The following CPEB2 variants were observed in gnomAD, a reference collection of about 807,000 sequenced individuals.
CPEB2 encodes the protein cytoplasmic polyadenylation element-binding protein 2.
In CPEB2, 56 loss-of-function variants were observed where a neutral mutation model predicts 93.6. That is an observed-to-expected ratio of 0.60 (90% CI 0.48 to 0.75). CPEB2 has a LOEUF of 0.75. Among genes scored for constraint, CPEB2 ranks in the 30% least tolerant of loss-of-function variants. CPEB2 has a pLI of 0.00. For missense variants in CPEB2, 1,579 were observed against 1,395.1 expected, an observed-to-expected ratio of 1.13 and a Z score of -2.10; for synonymous variants, 764 against 586.3, an observed-to-expected ratio of 1.30 and a Z score of -4.38.
chr4:15,041,483 A>T (rs763943470), intron 6 of CPEB2, among the ~76,000 whole-genome samples: 2 of 151,458 alleles, frequency 1.3e-5, no homozygotes, highest in Non-Finnish European at 2.9e-5. Flanking sequence ...GCTCACCACA[A>T]CCTCTGCTTC....
intron 5 of CPEB2, 54 bp from the exon 6 acceptor site, chr4:15,040,410 G>T (rs1727052005): frequency 2.7e-6 from 4 of 1,501,544 alleles, no homozygotes; most frequent in Non-Finnish European, 3.6e-6. Flanking sequence ...ATTTGTATAT[G>T]TGGGCTTATT....
rs578200083 is a variant in CPEB2 at position 15,059,171 on chromosome 4, G to A, written c.2581-16G>A. The stretch of plus-strand genomic sequence containing the variant: ...AGACATCAAGGGAGTAAGACCCAAT[G>A]TAATTTTCTTCATAGGTTCAAATAC... On this transcript the variant is annotated splice_polypyrimidine_tract_variant and intron_variant, in intron 9 of 11. Transcript: ENST00000538197. 2 of 1,494,016 alleles carry A rather than the reference G, an allele frequency of 1.3e-6. No individual in the cohort carries two copies. The highest frequency in any genetic ancestry group is 1.1e-5 in the South Asian group (1 of 87,150). 92.5% of individuals were successfully genotyped at this position (1,494,016 alleles called of 1,614,324 possible). A position where few individuals can be genotyped will look rare whatever the true frequency, so the allele number is the denominator to read the frequency against.
chr4:15,025,301 C>CTA (rs919722698), intron 4 of CPEB2, among the ~76,000 whole-genome samples: 1 of 151,940 alleles, frequency 6.6e-6, no homozygotes, highest in Non-Finnish European at 1.5e-5. Context: ...TCTCTGGAGG[C>CTA]TATTATAGTG....
intron 4 of CPEB2, among the ~76,000 whole-genome samples, chr4:15,029,669 G>T (rs2109021210): frequency 6.6e-6 from 1 of 152,162 alleles, no homozygotes; most frequent in South Asian, 2.1e-4. Context: ...CTCCTAAGTG[G>T]CTTGAGTAAG....
intron 8 of CPEB2, among the ~76,000 whole-genome samples, chr4:15,056,529 T>G (rs897407205): frequency 6.6e-6 from 1 of 152,240 alleles, no homozygotes; most frequent in African/African-American, 2.4e-5. Context: ...AAATTGGCAC[T>G]GGCAAATCAT....
chr4:15,025,697 GT>G (rs947439932), intron 4 of CPEB2, among the ~76,000 whole-genome samples: 2 of 151,866 alleles, frequency 1.3e-5, no homozygotes, highest in Admixed American at 1.3e-4. Flanking sequence ...TCTGTTTTTA[GT>G]TGTACCCGAC....
intron 10 of CPEB2, among the ~76,000 whole-genome samples, chr4:15,060,719 A>AT (rs1729113910): frequency 2.0e-5 from 3 of 152,168 alleles, no homozygotes; most frequent in East Asian, 3.9e-4. Flanking sequence ...TATATGGTAT[A>AT]TTTTTTTATG....
At chr4:15,023,087 G>T (rs978747814) in intron 4 of CPEB2, among the ~76,000 whole-genome samples, 2 of 151,842 alleles carry the variant, frequency 1.3e-5, no homozygotes, top group African/African-American at 4.8e-5. Flanking sequence ...AAACTACAAT[G>T]AATTTTATTA....
chr4:15,038,388 A>G (rs1726839052), intron 5 of CPEB2, among the ~76,000 whole-genome samples: 1 of 152,138 alleles, frequency 6.6e-6, no homozygotes, highest in African/African-American at 2.4e-5. Flanking sequence ...ACTTGATGAA[A>G]ATATTTTTAT....
rs369084046 is a variant in CPEB2 at position 15,058,551 on chromosome 4, C to T, written c.2580+12C>T. 91 of 1,409,696 alleles carry T rather than the reference C, an allele frequency of 6.5e-5. No individual in the cohort carries two copies. In the African/African-American group the frequency reaches 1.1e-3, roughly 17 times the overall value. The allele number at this position is 1,409,696 out of a possible 1,614,324, so 87.3% of individuals were successfully genotyped here. On this transcript the variant is annotated intron_variant, in intron 9 of 11. Transcript: ENST00000538197. ...TCAAGGACAAACCAGTAAGTAAATA[C>T]CACATGAACTTCAGGCTACAAATGC...
In CPEB2 at chr4:15,007,323, C is replaced by A; in HGVS notation, c.1681C>A (p.Pro561Thr). 6.5e-7 allele frequency: 1 copy of A among 1,542,640 alleles called. No individual in the cohort carries two copies. The highest frequency in any genetic ancestry group is 8.8e-7 in the Non-Finnish European group (1 of 1,135,692). ...NHHQPLLKQS[P>T]WSNHQSSGWG... ...TCCCTAGCCTCTTCTGAAACAGTCT[C>A]CCTGGAGCAACCATCAGAGCAGTGG... Residue 561 changes from proline to threonine, a missense_variant, in exon 2 of 12, where the codon CCC (proline) becomes ACC (threonine). Transcript: ENST00000538197.
intron 3 of CPEB2, among the ~76,000 whole-genome samples, chr4:15,012,978 TAA>T (rs749813048): frequency 2.6e-5 from 4 of 152,172 alleles, no homozygotes; most frequent in East Asian, 1.9e-4. Context: ...CTCTTGTGAT[TAA>T]GTTTGAATTC....
intron 4 of CPEB2, among the ~76,000 whole-genome samples, chr4:15,028,722 C>A (rs74403381): frequency 6.9e-4 from 103 of 150,178 alleles, no homozygotes; most frequent in African/African-American, 2.5e-3. Context: ...CGTATCTGGG[C>A]AAATGTATTT....
At chr4:15,050,701 C>G (rs1316442556) in intron 6 of CPEB2, among the ~76,000 whole-genome samples, 6 of 152,022 alleles carry the variant, frequency 3.9e-5, no homozygotes, top group Non-Finnish European at 7.4e-5. Flanking sequence ...TTTTTTGGTG[C>G]TTCTATTACC....
intron 5 of CPEB2, among the ~76,000 whole-genome samples, chr4:15,037,929 G>A (rs138988080): frequency 4.3e-4 from 66 of 152,264 alleles, no homozygotes; most frequent in African/African-American, 1.4e-3. Context: ...CTGATTAAGA[G>A]TTATAATGGA....
At chr4:15,059,781 C>G (rs75526990) in intron 10 of CPEB2, among the ~76,000 whole-genome samples, 1 of 152,042 alleles carries the variant, frequency 6.6e-6, no homozygotes, top group Non-Finnish European at 1.5e-5. Flanking sequence ...AAATATGTCA[C>G]AGAGGAATAT....
At chr4:15,042,120 T>C (rs1727242823) in intron 6 of CPEB2, among the ~76,000 whole-genome samples, 1 of 152,212 alleles carries the variant, frequency 6.6e-6, no homozygotes, top group Admixed American at 6.5e-5. Context: ...TACCAGTCTG[T>C]GATTTTTAGG....
intron 7 of CPEB2, 66 bp from the exon 8 acceptor site, chr4:15,054,060 CAG>C (rs1728496693): frequency 3.9e-5 from 39 of 993,082 alleles, no homozygotes; most frequent in Non-Finnish European, 5.8e-5. Context: ...TTCATAGTAA[CAG>C]TACAGAATTT....
intron 2 of CPEB2, among the ~76,000 whole-genome samples, 198 bp from the exon 3 acceptor site, chr4:15,008,140 T>C (rs934654188): frequency 2.6e-5 from 4 of 152,204 alleles, no homozygotes; most frequent in African/African-American, 9.6e-5. Context: ...CTTTCAGTAT[T>C]TTTATTATTT....
Sources: allele counts gnomAD v4.1 joint callset (sites outside exome capture counted in the v4.1 genomes callset), GRCh38; gene constraint gnomAD v4.1.1; transcripts MANE v1.5; gene names NCBI Gene and HGNC (gene_info 2026-07-23, HGNC 2026-07-21).